MBTPS1: variants seen among roughly 807,000 people sequenced by gnomAD.
MBTPS1 encodes membrane bound transcription factor peptidase, site 1.
In MBTPS1, 94 loss-of-function variants were observed where a neutral mutation model predicts 127.8. The ratio of observed to expected loss-of-function variants is 0.74; its 90% CI spans 0.62 to 0.87. The LOEUF is 0.87. Ranked by LOEUF, MBTPS1 falls within the 40% of genes least tolerant of loss-of-function variation. The pLI is 0.00. For synonymous variants in MBTPS1, 632 were observed against 509.4 expected, an observed-to-expected ratio of 1.24 and a Z score of -3.24; for missense variants, 1,636 against 1,353.2, an observed-to-expected ratio of 1.21 and a Z score of -3.28.
chr16:84,064,400 C>G (rs2085652980), intron 18 of MBTPS1, among the ~76,000 whole-genome samples: 1 of 152,122 alleles, frequency 6.6e-6, no homozygotes, highest in South Asian at 2.1e-4. Context: ...TTTCTGCCAT[C>G]AGGGTCTTTT....
At chr16:84,080,712 C>T (rs1231166420) in intron 11 of MBTPS1, among the ~76,000 whole-genome samples, 1 of 152,250 alleles carries the variant, frequency 6.6e-6, no homozygotes, top group Non-Finnish European at 1.5e-5. Context: ...GATTTCCCAT[C>T]AGCCAAAACT....
chr16:84,093,553 G>T (rs907218034), intron 5 of MBTPS1, among the ~76,000 whole-genome samples, 158 bp downstream of exon 5: 21 of 152,248 alleles, frequency 1.4e-4, no homozygotes, highest in Middle Eastern at 3.4e-3. Flanking sequence ...GCTACCTCCC[G>T]ACATCCTATG....
chr16:84,086,034 C>T (rs989183479), intron 9 of MBTPS1: 2 of 152,098 alleles, frequency 1.3e-5, no homozygotes, highest in African/African-American at 2.4e-5. Context: ...TGGGGCAAAA[C>T]GAAAATTAGA....
rs1553818 is a variant in MBTPS1 at position 84,085,583 on chromosome 16, A to G, written c.1135-449T>C. On this transcript the variant is annotated intron_variant, in intron 9 of 22. Coordinates refer to ENST00000343411, the MANE Select transcript of MBTPS1 (RefSeq NM_003791.4). ...CAGCCCCGCACCCGCCCCCCCCCCA[A>G]AAAAAAAGAGAAAAAAACAAAGAAA... Among the ~76,000 whole-genome samples, 11 of 82,546 alleles carry G rather than the reference A, an allele frequency of 1.3e-4. No individual in the cohort carries two copies. The Admixed American group carries it at 1.5e-3, about 11-fold the overall frequency. 54.2% of individuals were successfully genotyped at this position (82,546 alleles called of 152,430 possible).
rs762833969 is a variant in MBTPS1, at chr16:84,091,735, G to C, written c.960C>G (p.Asp320Glu). 10 of 1,611,126 alleles carry C rather than the reference G, an allele frequency of 6.2e-6. No individual in the cohort carries two copies. ...GPDFMDHPFVDKVWELTANNV... is the reference protein window; with the variant it reads ...GPDFMDHPFVEKVWELTANNV... ...CGTGTGCAGTGACTCCACAAACCTT[G>C]TCAACAAACGGATGATCCATGAAGT... is the stretch of plus-strand genomic sequence containing the variant. The change falls in exon 7 of 23, where the codon GAC (aspartate) becomes GAG (glutamate). Residue 320 changes from aspartate (D) to glutamate (E), a missense_variant. Transcript: ENST00000343411.
rs5818481 is a variant in MBTPS1, at chr16:84,087,473, CAAA to C, written c.1032-16_1032-14del. ...GTTATTCAGAGTGCTATATTGAGAC[CAAA>C]AAAAAAAAAAAAGAAAAGAAAAAGA... On this transcript the variant is annotated splice_polypyrimidine_tract_variant and intron_variant, in intron 8 of 22. Transcript: ENST00000343411. 16,597 of 1,008,782 alleles carry C rather than the reference CAAA, an allele frequency of 0.016. No individual in the cohort carries two copies. The highest frequency in any genetic ancestry group is 0.022 in the South Asian group (1,399 of 64,166). 62.5% of individuals were successfully genotyped at this position (1,008,782 alleles called of 1,614,324 possible).
intron 14 of MBTPS1, 99 bp downstream of exon 14, chr16:84,069,767 G>A (rs569315302): frequency 1.4e-5 from 16 of 1,150,380 alleles, no homozygotes; most frequent in Admixed American, 4.6e-5. Flanking sequence ...CAGGCTCCAC[G>A]AGAAGCTGAG....
At chr16:84,105,396 G>T (rs2086309430) in intron 1 of MBTPS1, among the ~76,000 whole-genome samples, 1 of 152,158 alleles carries the variant, frequency 6.6e-6, no homozygotes, top group Non-Finnish European at 1.5e-5. Context: ...ATGAAAATGT[G>T]AAAGGAGAGG....
At chr16:84,070,437 G>A (rs566337727) in intron 13 of MBTPS1, 151 bp downstream of exon 13, 10 of 735,586 alleles carry the variant, frequency 1.4e-5, no homozygotes, top group East Asian at 8.3e-5. Context: ...CAGCTGCTCC[G>A]GAGGCCCTGG....
At chr16:84,112,573 A>G (rs912952490) in intron 1 of MBTPS1, among the ~76,000 whole-genome samples, 1 of 151,502 alleles carries the variant, frequency 6.6e-6, no homozygotes, top group Non-Finnish European at 1.5e-5. Context: ...GAGACATGAG[A>G]ATGGCGTGAA....
At chr16:84,104,470 A>AAAAC (rs200491581) in intron 1 of MBTPS1, among the ~76,000 whole-genome samples, 2,069 of 152,250 alleles carry the variant, frequency 0.014, 15 homozygotes, top group South Asian at 0.025. Flanking sequence ...CTCCACTTAA[A>AAAAC]AAACAAACAA....
chr16:84,070,455 A>T (rs2085753420), intron 13 of MBTPS1, 133 bp downstream of exon 13: 1 of 864,830 alleles, frequency 1.2e-6, no homozygotes, highest in Non-Finnish European at 1.8e-6. Flanking sequence ...TGGAACCATC[A>T]ATTGTGGCCA....
At chr16:84,065,545 TA>T in intron 18 of MBTPS1, 144 bp downstream of exon 18, 1 of 645,188 alleles carries the variant, frequency 1.5e-6, no homozygotes, top group Non-Finnish European at 2.7e-6. Flanking sequence ...TTGTACACTT[TA>T]AAAGGGCAAC....
chr16:84,093,368 C>CCGTGGAACT, intron 5 of MBTPS1, 71 bp from the exon 6 acceptor site: 3 of 1,023,140 alleles, frequency 2.9e-6, no homozygotes, highest in Non-Finnish European at 4.6e-6. Context: ...ACATTCCAGG[C>CCGTGGAACT]CATGAGTTCC....
chr16:84,070,925 G>C, intron 12 of MBTPS1, 149 bp from the exon 13 acceptor site: 1 of 637,154 alleles, frequency 1.6e-6, no homozygotes. Flanking sequence ...CAGATACTAA[G>C]TAACTACAAC....
intron 3 of MBTPS1, among the ~76,000 whole-genome samples, chr16:84,096,189 T>C (rs1469723120): frequency 6.6e-6 from 1 of 152,154 alleles, no homozygotes; most frequent in Non-Finnish European, 1.5e-5. Flanking sequence ...ACCCTAAGCA[T>C]TCATTGAGTT....
chr16:84,091,411 G>A (rs2086104942), intron 7 of MBTPS1, among the ~76,000 whole-genome samples: 1 of 150,758 alleles, frequency 6.6e-6, no homozygotes, highest in African/African-American at 2.4e-5. Context: ...GCTTGAACCT[G>A]GGAGGCGGAG....
intron 3 of MBTPS1, among the ~76,000 whole-genome samples, chr16:84,097,839 T>TGTGTGC (rs1488959673): frequency 7.5e-6 from 1 of 132,650 alleles, no homozygotes; most frequent in African/African-American, 3.2e-5. Flanking sequence ...CTTCTCTTCG[T>TGTGTGC]GTGTGTGTGT....
rs2280024 is a variant in MBTPS1 at position 84,059,457 on chromosome 16, G to A, written c.2705-29C>T. ...TGGTTAGCAGCAACATCAACAAAAA[G>A]GAAAATCATCTCTATTACTAAAATG... On this transcript the variant is annotated intron_variant, in intron 20 of 22. Coordinates refer to ENST00000343411, the MANE Select transcript of MBTPS1 (RefSeq NM_003791.4). The A allele has an allele frequency of 0.55, 882,478 of 1,591,268 alleles. 247,950 individuals are homozygous for A. Among genetic ancestry groups the A allele is most frequent in the Non-Finnish European group, 0.58 (674,937 of 1,166,406 alleles).
Sources: gnomAD v4.1 joint callset for allele counts (sites outside exome capture counted in the v4.1 genomes callset) on GRCh38, gnomAD v4.1.1 for gene constraint, MANE v1.5 for transcripts, NCBI Gene and HGNC (gene_info 2026-07-23, HGNC 2026-07-21) for gene names.